JAKMIP3: variants seen among roughly 807,000 people sequenced by gnomAD.
The protein encoded by JAKMIP3 is Janus kinase and microtubule interacting protein 3.
In JAKMIP3, 58 loss-of-function variants were observed where a neutral mutation model predicts 118.5. The ratio of observed to expected loss-of-function variants is 0.49; its 90% CI spans 0.40 to 0.61. The LOEUF is 0.61. Ranked by LOEUF, JAKMIP3 falls within the 20% of genes least tolerant of loss-of-function variation. The pLI is 0.00. For synonymous variants in JAKMIP3, 486 were observed against 451.2 expected, an observed-to-expected ratio of 1.08 and a Z score of -0.98; for missense variants, 950 against 1,109.0, an observed-to-expected ratio of 0.86 and a Z score of 2.04.
intron 1 of JAKMIP3, among the ~76,000 whole-genome samples, chr10:132,097,903 T>TTCCTTCCTTCCTTTTCTTGTC (rs1564892531): frequency 1.4e-5 from 1 of 72,874 alleles, no homozygotes; most frequent in Non-Finnish European, 3.0e-5. Context: ...CCCCTTCCCC[T>TTCCTTCCTTCCTTTTCTTGTC]TCCCCTTCCC....
In JAKMIP3 at chr10:132,073,030, A is replaced by G. The variant is rs563497946; in HGVS notation, c.-138+6969A>G. 4.6e-5 allele frequency among the ~76,000 whole-genome samples: 7 copies of G among 152,246 alleles called. No individual in the cohort carries two copies. In the South Asian group the frequency reaches 1.4e-3, roughly 32 times the overall value. ...TGACTTTCTGTTTCTGAGTTATTTC[A>G]TTCAGGATAATAGCCTCTAGTTCTA... On this transcript the variant is annotated intron_variant, in intron 1 of 23. Transcript: ENST00000684848.
chr10:132,180,842 CATGT>C (rs1212418910), intron 23 of JAKMIP3, among the ~76,000 whole-genome samples: 2 of 150,006 alleles, frequency 1.3e-5, no homozygotes, highest in Non-Finnish European at 3.0e-5. Context: ...ATATCGTGTG[CATGT>C]GTGTGCTGTG....
At chr10:132,180,393 C>T (rs2060629871) in intron 23 of JAKMIP3, among the ~76,000 whole-genome samples, 1 of 108,526 alleles carries the variant, frequency 9.2e-6, no homozygotes, top group Non-Finnish European at 1.7e-5. Context: ...AGGTCCTCAG[C>T]TGACTGTGAG....
chr10:132,134,364 C>A (rs576487227), intron 4 of JAKMIP3, among the ~76,000 whole-genome samples: 1 of 152,322 alleles, frequency 6.6e-6, no homozygotes, highest in South Asian at 2.1e-4. Context: ...ATTTTAAGAT[C>A]TCATTCAGAC....
In JAKMIP3 at chr10:132,112,322, A is replaced by G. The variant is rs2046995231; in HGVS notation, c.136-4755A>G. Among the ~76,000 whole-genome samples, 2 of 151,898 alleles carry G rather than the reference A, an allele frequency of 1.3e-5. No individual in the cohort carries two copies. Among genetic ancestry groups the G allele is most frequent in the African/African-American group, 4.8e-5 (2 of 41,388 alleles). ...GGTGGTGGGAGATGCTGCCCAGAGA[A>G]CAGTGCGAGGGGAGACGGGGCTGGG... On this transcript the variant is annotated intron_variant, in intron 2 of 23. Coordinates refer to ENST00000684848, the MANE Select transcript of JAKMIP3 (RefSeq NM_001323087.2). This position sits in a 1 kb window ranked among gnomAD's most constrained non-coding sequence, Gnocchi z 4.3.
At chr10:132,075,656 C>T (rs2040676671) in intron 1 of JAKMIP3, among the ~76,000 whole-genome samples, 1 of 152,122 alleles carries the variant, frequency 6.6e-6, no homozygotes, top group Non-Finnish European at 1.5e-5. Context: ...GTGATCTGCC[C>T]GCCTTGGCCT....
In JAKMIP3 at chr10:132,183,555, C is replaced by T. The variant is rs769690523; in HGVS notation, c.*2302C>T. On this transcript the variant is annotated 3_prime_UTR_variant, in exon 24 of 24. Coordinates refer to ENST00000684848, the MANE Select transcript of JAKMIP3 (RefSeq NM_001323087.2). ...CAAAGAGAAGCATGTAAATATGTACCAAATCCTTATGAAGTTGTAATTGTT... is the reference window on the plus strand; with the variant it reads ...CAAAGAGAAGCATGTAAATATGTACTAAATCCTTATGAAGTTGTAATTGTT... 2 of 152,136 alleles carry T rather than the reference C, an allele frequency of 1.3e-5. No individual in the cohort carries two copies. The highest frequency in any genetic ancestry group is 2.4e-5 in the African/African-American group (1 of 41,412). The allele number at this position is 152,136 out of a possible 1,614,324, so 9.4% of individuals were successfully genotyped here.
intron 23 of JAKMIP3, among the ~76,000 whole-genome samples, chr10:132,176,955 T>G (rs1389903291): frequency 1.3e-5 from 2 of 152,138 alleles, no homozygotes. Flanking sequence ...TGGAGCTATT[T>G]CTCTTTGCTC....
At chr10:132,120,832 C>T (rs757341778) in intron 3 of JAKMIP3, among the ~76,000 whole-genome samples, 2 of 152,236 alleles carry the variant, frequency 1.3e-5, no homozygotes, top group Admixed American at 6.5e-5. Flanking sequence ...CCCGTGGTGA[C>T]GGACAGGGCT....
intron 5 of JAKMIP3, among the ~76,000 whole-genome samples, chr10:132,135,661 C>A (rs1029646957): frequency 6.6e-6 from 1 of 152,250 alleles, no homozygotes; most frequent in Non-Finnish European, 1.5e-5. Context: ...CCCGGGGACG[C>A]CGAGCCCAGC....
In JAKMIP3 at chr10:132,135,055, T is replaced by C. The variant is rs752632756; in HGVS notation, c.864T>C (p.Asp288=). The C allele has an allele frequency of 2.5e-6, 4 of 1,613,500 alleles. No homozygotes were observed. Among genetic ancestry groups the C allele is most frequent in the Non-Finnish European group, 3.4e-6 (4 of 1,179,476 alleles). ...DHSGSPEQQL[D]EKDARRFQLK... ...TTTTGTTTTAGGAACAGCAGTTGGA[T>C]GAAAAAGATGCCCGGCGCTTCCAGC... The change falls in exon 5 of 24, where the codon GAT becomes GAC. Residue 288 remains aspartate, a synonymous_variant. Transcript: ENST00000684848.
chr10:132,130,049 C>T (rs947746088), intron 3 of JAKMIP3, among the ~76,000 whole-genome samples: 2 of 152,072 alleles, frequency 1.3e-5, no homozygotes, highest in African/African-American at 2.4e-5. Context: ...TGCAGTAAGT[C>T]CTGGTGTCTC....
chr10:132,138,258 G>T, intron 9 of JAKMIP3, 80 bp downstream of exon 9: 1 of 1,291,726 alleles, frequency 7.7e-7, no homozygotes, highest in Non-Finnish European at 1.1e-6. Flanking sequence ...TGTGGAGAGC[G>T]CTGGTGTGTG....
chr10:132,067,493 C>T (rs1159630834), intron 1 of JAKMIP3, among the ~76,000 whole-genome samples: 2 of 152,260 alleles, frequency 1.3e-5, no homozygotes, highest in Non-Finnish European at 2.9e-5. Context: ...AGGGAGCTGT[C>T]AGTCAGAGCT....
chr10:132,078,519 A>G (rs2041189829), intron 1 of JAKMIP3, among the ~76,000 whole-genome samples: 1 of 150,718 alleles, frequency 6.6e-6, no homozygotes, highest in Non-Finnish European at 1.5e-5. Context: ...AAAGGCAATG[A>G]TCCATAGATT....
chr10:132,133,595 C>A, intron 4 of JAKMIP3, 68 bp downstream of exon 4: 1 of 1,420,032 alleles, frequency 7.0e-7, no homozygotes. Flanking sequence ...GGCTGCATGG[C>A]CCTGCATGGG....
At chr10:132,129,975 C>T (rs1186935238) in intron 3 of JAKMIP3, among the ~76,000 whole-genome samples, 1 of 151,688 alleles carries the variant, frequency 6.6e-6, no homozygotes, top group African/African-American at 2.4e-5. Context: ...CAGATTATCC[C>T]ATGATTGAGG....
At position 132,168,369 on chromosome 10, in the gene JAKMIP3, C is replaced by T; in HGVS notation, c.*439C>T. ...CCACTGGTGTCTGGAGGAAGATTTT[C>T]AGAAACAACAGAGGCTTGGCCTGAT... On this transcript the variant is annotated 3_prime_UTR_variant, in exon 23 of 24. Coordinates refer to ENST00000684848, the MANE Select transcript of JAKMIP3 (RefSeq NM_001323087.2). 1 of 1,289,580 alleles carries T rather than the reference C, an allele frequency of 7.8e-7. No homozygotes were observed. The highest frequency in any genetic ancestry group is 1.0e-6 in the Non-Finnish European group (1 of 988,828). The allele number at this position is 1,289,580 out of a possible 1,614,324, so 79.9% of individuals were successfully genotyped here.
chr10:132,129,892 T>C (rs61864407), intron 3 of JAKMIP3, among the ~76,000 whole-genome samples: 25 of 145,098 alleles, frequency 1.7e-4, no homozygotes, highest in Non-Finnish European at 3.7e-4. Context: ...TTTTTTTTTT[T>C]CCTTCAGAAA....
Sources: gnomAD v4.1 joint callset for allele counts (sites outside exome capture counted in the v4.1 genomes callset) on GRCh38, gnomAD v4.1.1 for gene constraint, Gnocchi (gnomAD v3.1) non-coding constraint, MANE v1.5 for transcripts, NCBI Gene and HGNC (gene_info 2026-07-23, HGNC 2026-07-21) for gene names.